C3: variants seen among roughly 807,000 people sequenced by gnomAD.
C3 encodes C3 and PZP-like alpha-2-macroglobulin domain-containing protein 1.
In C3, 97 loss-of-function variants were observed where a neutral mutation model predicts 207.9. That is an observed-to-expected ratio of 0.47 (90% confidence interval 0.40 to 0.55). The LOEUF (loss-of-function observed/expected upper bound fraction) is 0.55, where lower values mean the gene tolerates loss of function less well. Ranked by LOEUF, C3 falls within the 20% of genes least tolerant of loss-of-function variation. The pLI is 0.00. For synonymous variants in C3, 848 were observed against 857.6 expected (o/e 0.99, Z 0.20); for missense variants, 1,684 against 2,171.7 (o/e 0.78, Z 4.46).
In C3 at chr19:6,718,156, G is replaced by T. The variant is rs923158536; in HGVS notation, c.442C>A (p.Arg148=). 1 of 1,614,028 alleles carries T rather than the reference G, an allele frequency of 6.2e-7. No homozygotes were observed. The highest frequency in any genetic ancestry group is 1.3e-5 in the African/African-American group (1 of 74,904). Residue 148 remains arginine (R), a synonymous_variant, in exon 4 of 41, where the codon CGG becomes AGG. Transcript: ENST00000245907. The part of the protein sequence containing the change: ...IYTPGSTVLY[R]IFTVNHKLLP... ...AGCTTGTGGTTGACGGTGAAGATCC[G>T]ATAGAGAACTGGGGAGAGACAAAGA...
chr19:6,714,905 ATC>A (rs1031614566), intron 4 of C3, among the ~76,000 whole-genome samples: 5 of 152,002 alleles, frequency 3.3e-5, no homozygotes, highest in African/African-American at 1.2e-4. Flanking sequence ...TTAGGTTTCA[ATC>A]TCTACTGTGC....
intron 14 of C3, 73 bp downstream of exon 14, chr19:6,709,611 T>TCCCCCCCCCCCCCCCCCCCCCCCCCCCC: frequency 9.0e-7 from 1 of 1,109,444 alleles, no homozygotes; most frequent in Non-Finnish European, 1.4e-6. Flanking sequence ...CCCTCTCCAG[T>TCCCCCCCCCCCCCCCCCCCCCCCCCCCC]CCCACCCACC....
rs1350678230 is a variant in C3, at chr19:6,678,048, G to A, written c.4851-25C>T. 4 of 1,614,206 alleles carry A rather than the reference G, an allele frequency of 2.5e-6. No homozygotes were observed. In the Admixed American group the frequency reaches 6.7e-5, roughly 27 times the overall value. On this transcript the variant is annotated intron_variant, in intron 40 of 40. Coordinates refer to ENST00000245907, the MANE Select transcript of C3 (RefSeq NM_000064.4). Reference sequence around the variant, plus strand: ...GCTGGAGGGAAGAATGGCAGGTCAGGAAGGGGCGTGGTGTGGGCGTGGCGC... The same window carrying A: ...GCTGGAGGGAAGAATGGCAGGTCAGAAAGGGGCGTGGTGTGGGCGTGGCGC...
intron 27 of C3, among the ~76,000 whole-genome samples, chr19:6,687,331 T>TTCA (rs1198226649): frequency 6.6e-6 from 1 of 152,206 alleles, no homozygotes; most frequent in Non-Finnish European, 1.5e-5. Flanking sequence ...AGTATACCAC[T>TTCA]GTGAACACCT....
chr19:6,687,987 G>T (rs983392570), intron 27 of C3, among the ~76,000 whole-genome samples: 1 of 151,742 alleles, frequency 6.6e-6, no homozygotes, highest in Non-Finnish European at 1.5e-5. Flanking sequence ...CTTCCCAGTA[G>T]CTGGGACTAC....
intron 19 of C3, among the ~76,000 whole-genome samples, chr19:6,698,344 T>G (rs1967584237): frequency 6.6e-6 from 1 of 152,084 alleles, no homozygotes; most frequent in South Asian, 2.1e-4. Flanking sequence ...ATTTACATTC[T>G]GTTTGTAGTT....
At chr19:6,684,867 G>C in intron 30 of C3, 33 bp from the exon 31 acceptor site, 1 of 1,612,640 alleles carries the variant, frequency 6.2e-7, no homozygotes, top group Non-Finnish European at 8.5e-7. Context: ...AGAGCATGTT[G>C]GGAATTAAGC....
chr19:6,710,711 G>A lies in C3; in HGVS notation c.1614C>T (p.Ile538=), dbSNP rs144310170. Residue 538 remains isoleucine (I), a synonymous_variant, in exon 13 of 41, where the codon ATC becomes ATT. Coordinates refer to ENST00000245907, the MANE Select transcript of C3 (RefSeq NM_000064.4). ...SFRLVAYYTL[I]GASGQREVVA... ...CCACCTCCCTCTGGCCGCTGGCACC[G>A]ATCAGCGTGTAGTACGCCACCAGGC... 53 of 1,613,646 alleles carry A rather than the reference G, an allele frequency of 3.3e-5. No individual in the cohort carries two copies. Among genetic ancestry groups the A allele is most frequent in the African/African-American group, 2.8e-4 (21 of 74,940 alleles).
intron 17 of C3, among the ~76,000 whole-genome samples, chr19:6,703,848 T>A (rs2145419037): frequency 6.6e-6 from 1 of 152,146 alleles, no homozygotes; most frequent in East Asian, 1.9e-4. Flanking sequence ...CTCGGGAGGC[T>A]GAGGGATGAG....
At chr19:6,697,235 A>G (rs1967558105) in intron 21 of C3, 109 bp downstream of exon 21, 2 of 839,260 alleles carry the variant, frequency 2.4e-6, no homozygotes, top group Non-Finnish European at 4.0e-6. Flanking sequence ...TAAGCTGGAC[A>G]CTATGATTCT....
chr19:6,686,372 G>T, intron 28 of C3, 85 bp from the exon 29 acceptor site: 1 of 1,447,136 alleles, frequency 6.9e-7, no homozygotes, highest in Non-Finnish European at 9.7e-7. Flanking sequence ...AGAGATGCAT[G>T]CTAGACTTCC....
At chr19:6,692,402 G>A (rs1438760708) in intron 26 of C3, among the ~76,000 whole-genome samples, 1 of 152,182 alleles carries the variant, frequency 6.6e-6, no homozygotes, top group Non-Finnish European at 1.5e-5. Context: ...TCTAAGAACT[G>A]ATCCAGCTGG....
chr19:6,707,749 G>A, intron 15 of C3, 51 bp downstream of exon 15: 2 of 1,609,284 alleles, frequency 1.2e-6, no homozygotes, highest in Middle Eastern at 2.0e-4. Flanking sequence ...CCAGCATCTG[G>A]GAGGTGGAGG....
chr19:6,705,789 C>T (rs996528470), intron 17 of C3, among the ~76,000 whole-genome samples: 3 of 152,160 alleles, frequency 2.0e-5, no homozygotes, highest in Non-Finnish European at 4.4e-5. Flanking sequence ...ATTCTCCCAC[C>T]TCAGCCTCCT....
At chr19:6,679,363 G>T in intron 37 of C3, 44 bp downstream of exon 37, 1 of 1,520,890 alleles carries the variant, frequency 6.6e-7, no homozygotes, top group Non-Finnish European at 9.1e-7. Context: ...CTGGGTAAGT[G>T]TGGCTTGCTC....
At chr19:6,700,103 A>G (rs149615319) in intron 19 of C3, among the ~76,000 whole-genome samples, 1,947 of 145,876 alleles carry the variant, frequency 0.013, 39 homozygotes, top group African/African-American at 0.046. Context: ...TTAAATTATA[A>G]TGAATTATGG....
chr19:6,699,370 G>T (rs1316416196), intron 19 of C3, among the ~76,000 whole-genome samples: 1 of 151,086 alleles, frequency 6.6e-6, no homozygotes, highest in Non-Finnish European at 1.5e-5. Flanking sequence ...CTTTGCACCC[G>T]GCCTGAGAAT....
chr19:6,711,899 G>A (rs1317928262), intron 11 of C3, among the ~76,000 whole-genome samples: 4 of 152,218 alleles, frequency 2.6e-5, no homozygotes, highest in Admixed American at 6.5e-5. Flanking sequence ...AAGACTGTGC[G>A]TGGATGGAGC....
chr19:6,718,546 G>A (rs917541593), intron 2 of C3, 134 bp from the exon 3 acceptor site: 56 of 991,882 alleles, frequency 5.6e-5, no homozygotes, highest in Non-Finnish European at 8.1e-5. Flanking sequence ...TTTTGGGGAG[G>A]GAGGGGCATG....
Sources: allele counts gnomAD v4.1 joint callset (sites outside exome capture counted in the v4.1 genomes callset), GRCh38; gene constraint gnomAD v4.1.1; transcripts MANE v1.5; gene names NCBI Gene and HGNC (gene_info 2026-07-23, HGNC 2026-07-21).